The following HSF2BP variants were observed in gnomAD, a reference collection of about 807,000 sequenced individuals.
The protein encoded by HSF2BP is heat shock factor 2-binding protein.
HSF2BP carries 35 observed loss-of-function variants against 35.0 expected under a neutral mutation model. The observed-to-expected ratio is 1.00, with a 90% CI of 0.76 to 1.32. The LOEUF is 1.32. Among genes scored for constraint, HSF2BP ranks in the 40% most tolerant of loss-of-function variants. The pLI is 0.00. For missense variants in HSF2BP, 326 were observed against 321.7 expected (o/e 1.01, Z -0.10); for synonymous variants, 114 against 117.4 (o/e 0.97, Z 0.18).
chr21:43,617,237 AAT>A (rs1439323308), intron 6 of HSF2BP, among the ~76,000 whole-genome samples: 1 of 151,898 alleles, frequency 6.6e-6, no homozygotes, highest in Admixed American at 6.6e-5. Context: ...GAAGAAAAAA[AAT>A]ATATATATAT....
chr21:43,604,433 A>C (rs1227985973), intron 7 of HSF2BP, among the ~76,000 whole-genome samples: 5 of 120,912 alleles, frequency 4.1e-5, no homozygotes, highest in African/African-American at 1.6e-4. Context: ...ACACCACACC[A>C]CACACACACC....
rs528247090 is a variant in HSF2BP, at chr21:43,573,865, C to T, written c.796+18360G>A. Among the ~76,000 whole-genome samples, 77 of 152,314 alleles carry T rather than the reference C, an allele frequency of 5.1e-4. 1 individual carries two copies. In the South Asian group the frequency reaches 0.015, roughly 29 times the overall value. ...GCTCCCCACTTCCTTCCACTTTGCT[C>T]GATTCCCAACCTTTCGGGGCAACCT... On this transcript the variant is annotated intron_variant, in intron 8 of 8. Coordinates refer to ENST00000291560, the MANE Select transcript of HSF2BP (RefSeq NM_007031.2).
intron 7 of HSF2BP, among the ~76,000 whole-genome samples, chr21:43,601,707 C>T (rs1229040447): frequency 6.6e-6 from 1 of 152,148 alleles, no homozygotes; most frequent in Non-Finnish European, 1.5e-5. Flanking sequence ...AAATAATACA[C>T]ATTAGTTCAC....
intron 3 of HSF2BP, among the ~76,000 whole-genome samples, chr21:43,648,652 T>TA (rs1269355402): frequency 6.6e-6 from 1 of 152,262 alleles, no homozygotes. Context: ...GTCAAAGTAA[T>TA]AATCCTTTTT....
chr21:43,578,604 A>T (rs2081677301), intron 8 of HSF2BP, among the ~76,000 whole-genome samples: 1 of 152,104 alleles, frequency 6.6e-6, no homozygotes, highest in African/African-American at 2.4e-5. Flanking sequence ...GCACTGTACC[A>T]CCCTCATCGC....
At chr21:43,576,286 T>C (rs941377211) in intron 8 of HSF2BP, among the ~76,000 whole-genome samples, 5 of 152,214 alleles carry the variant, frequency 3.3e-5, no homozygotes, top group African/African-American at 1.2e-4. Flanking sequence ...TTCCTAATTG[T>C]CTGCAAGCCT....
chr21:43,590,778 T>C (rs1435146981), intron 8 of HSF2BP, among the ~76,000 whole-genome samples: 1 of 152,152 alleles, frequency 6.6e-6, no homozygotes, highest in Non-Finnish European at 1.5e-5. Context: ...ATTCCACTTA[T>C]ATAAAATCAA....
intron 8 of HSF2BP, among the ~76,000 whole-genome samples, chr21:43,573,045 G>A (rs1454831949): frequency 6.6e-6 from 1 of 152,228 alleles, no homozygotes; most frequent in Non-Finnish European, 1.5e-5. Flanking sequence ...TAAGTGTTTG[G>A]TGAATACATG....
In HSF2BP at chr21:43,625,482, G is replaced by T. The variant is rs9984268; in HGVS notation, c.574+4840C>A. ...GCAGGAAGTCTGGGGGAAGGAATTA[G>T]TTCCACAACCTAATTGTGGTGGGTA... On this transcript the variant is annotated intron_variant, in intron 6 of 8. Coordinates refer to ENST00000291560, the MANE Select transcript of HSF2BP (RefSeq NM_007031.2). 3.0e-3 allele frequency among the ~76,000 whole-genome samples: 456 copies of T among 152,112 alleles called. 1 individual carries two copies. Among genetic ancestry groups the T allele is most frequent in the African/African-American group, 0.01 (419 of 41,478 alleles).
chr21:43,588,464 C>T (rs1049533737), intron 8 of HSF2BP, among the ~76,000 whole-genome samples: 5 of 151,964 alleles, frequency 3.3e-5, no homozygotes, highest in South Asian at 2.1e-4. Context: ...AGTCCTGTAG[C>T]GTTGTTGGGA....
At chr21:43,649,729 T>C (rs982401620) in intron 3 of HSF2BP, among the ~76,000 whole-genome samples, 6 of 152,242 alleles carry the variant, frequency 3.9e-5, no homozygotes, top group Admixed American at 6.5e-5. Flanking sequence ...TGCAGCATAA[T>C]GCATGAAAAG....
At chr21:43,653,319 T>G (rs1319537390) in intron 3 of HSF2BP, among the ~76,000 whole-genome samples, 1 of 150,914 alleles carries the variant, frequency 6.6e-6, no homozygotes, top group Non-Finnish European at 1.5e-5. Context: ...GCAGAGACAG[T>G]AGGGTGCTCC....
At position 43,535,714 on chromosome 21, in the gene HSF2BP, TAA is replaced by T. The variant is rs1461197737; in HGVS notation, c.797-5754_797-5753del. ...AATAAAATAAAATAAAATAATAAAA[TAA>T]AATAAAATAAAATAAAATAAAATAA... On this transcript the variant is annotated intron_variant, in intron 8 of 8. Transcript: ENST00000291560. Among the ~76,000 whole-genome samples, 12 of 4,316 alleles carry T rather than the reference TAA, an allele frequency of 2.8e-3. 1 individual carries two copies. The highest frequency in any genetic ancestry group is 9.0e-3 in the South Asian group (2 of 222). 2.8% of individuals were successfully genotyped at this position (4,316 alleles called of 152,430 possible).
Position 43,613,936 on chromosome 21 carries a change from T to TA in HSF2BP, c.585dup (p.Ile196TyrfsTer6), listed in dbSNP as rs763079598. 2.5e-6 allele frequency: 4 copies of TA among 1,608,382 alleles called. No homozygotes were observed. The highest frequency in any genetic ancestry group is 3.4e-5 in the Admixed American group (2 of 58,778). On this transcript the variant is annotated frameshift_variant, in exon 7 of 9. Transcript: ENST00000291560. LOFTEE classifies it high-confidence loss of function. ...ACCAAGAATTCACGACCACATGCTA[T>TA]AGCAGCAACATCTGCAACAGAAAAT...
In HSF2BP at chr21:43,592,257, C is replaced by A. The variant is rs2146787678; in HGVS notation, c.764G>T (p.Gly255Val). Reference sequence around the variant, plus strand: ...AAGCCACCACAGCAAAGGGATGAATCCTGGACTCTCGCTGATGTATTTCAA... The same window carrying A: ...AAGCCACCACAGCAAAGGGATGAATACTGGACTCTCGCTGATGTATTTCAA... ...KGLKYISESP[G>V]FIPLLWWLLS... The change falls in exon 8 of 9, where the codon GGA (glycine) becomes GTA (valine). Residue 255 changes from glycine (G) to valine (V), a missense_variant. By Grantham distance (109) the Gly-to-Val change is moderately radical. Transcript: ENST00000291560. 6.2e-7 allele frequency: 1 copy of A among 1,613,820 alleles called. No individual in the cohort carries two copies. The highest frequency in any genetic ancestry group is 1.1e-5 in the South Asian group (1 of 91,054).
chr21:43,636,268 GAAAAA>G lies in HSF2BP; in HGVS notation c.292-2852_292-2848del, dbSNP rs879516202. Among the ~76,000 whole-genome samples, 626 of 119,844 alleles carry G rather than the reference GAAAAA, an allele frequency of 5.2e-3. 1 individual carries two copies. The highest frequency in any genetic ancestry group is 8.4e-3 in the Non-Finnish European group (476 of 56,820). The allele number at this position is 119,844 out of a possible 152,430, so 78.6% of individuals were successfully genotyped here. ...GAAAAGAAAAGAAAAGAAAAGAAAA[GAAAAA>G]ACGAAGGGGAAAAAAAGAGAATCAT... On this transcript the variant is annotated intron_variant, in intron 4 of 8. Coordinates refer to ENST00000291560, the MANE Select transcript of HSF2BP (RefSeq NM_007031.2).
chr21:43,651,422 T>C (rs1260220285), intron 3 of HSF2BP, among the ~76,000 whole-genome samples: 1 of 152,052 alleles, frequency 6.6e-6, no homozygotes, highest in East Asian at 1.9e-4. Context: ...ATTCCATCCA[T>C]ACAGCCACAG....
intron 4 of HSF2BP, among the ~76,000 whole-genome samples, chr21:43,636,667 G>A (rs567046817): frequency 9.9e-5 from 15 of 152,112 alleles, no homozygotes; most frequent in African/African-American, 3.4e-4. Flanking sequence ...CGAGGCAGGC[G>A]GATCACTTGA....
intron 7 of HSF2BP, among the ~76,000 whole-genome samples, chr21:43,603,115 T>TA (rs920089600): frequency 5.9e-5 from 9 of 151,876 alleles, no homozygotes; most frequent in Non-Finnish European, 8.8e-5. Context: ...ACAAGTCTAA[T>TA]AAAAAAAATA....
Sources: gnomAD v4.1 joint callset for allele counts (sites outside exome capture counted in the v4.1 genomes callset) on GRCh38, gnomAD v4.1.1 for gene constraint, MANE v1.5 for transcripts, NCBI Gene and HGNC (gene_info 2026-07-23, HGNC 2026-07-21) for gene names.